The following RGPD2 variants were observed in gnomAD, a reference collection of about 807,000 sequenced individuals.
The protein encoded by RGPD2 is RANBP2-like and GRIP domain-containing protein 2.
A neutral mutation model predicts 36.0 loss-of-function variants in RGPD2; 2 were observed. The observed-to-expected ratio is 0.06, with a 90% CI of 0.02 to 0.17. The LOEUF is 0.17. Among genes scored for constraint, RGPD2 ranks in the 10% least tolerant of loss-of-function variants. RGPD2 has a pLI of 1.00. For missense variants in RGPD2, 40 were observed against 464.3 expected, an observed-to-expected ratio of 0.09 and a Z score of 8.40; for synonymous variants, 19 against 163.8, an observed-to-expected ratio of 0.12 and a Z score of 6.75.
At chr2:87,935,658 TAG>T in the RGPD2 span, among the ~76,000 whole-genome samples, 1 of 151,286 alleles carries the variant, frequency 6.6e-6, no homozygotes, top group African/African-American at 2.4e-5. Flanking sequence ...AAAGAAAAAG[TAG>T]AGAGTGAAGA....
At chr2:87,861,332 A>G in the RGPD2 span, among the ~76,000 whole-genome samples, 3 of 152,014 alleles carry the variant, frequency 2.0e-5, no homozygotes, top group African/African-American at 7.2e-5. Flanking sequence ...ATGGATACAT[A>G]TTTCTTTCTA....
the RGPD2 span, among the ~76,000 whole-genome samples, chr2:87,972,212 G>A: frequency 3.3e-5 from 5 of 150,442 alleles, no homozygotes; most frequent in Non-Finnish European, 3.0e-5. Flanking sequence ...CCAGGAGAAA[G>A]GATATCCTAT....
chr2:87,897,038 G>A, the RGPD2 span, among the ~76,000 whole-genome samples: 5 of 152,286 alleles, frequency 3.3e-5, no homozygotes, highest in East Asian at 1.9e-4. Flanking sequence ...TTAGTCTTCC[G>A]CATGAAAAGC....
the RGPD2 span, among the ~76,000 whole-genome samples, chr2:87,913,342 A>G: frequency 6.6e-6 from 1 of 151,658 alleles, no homozygotes; most frequent in Non-Finnish European, 1.5e-5. Flanking sequence ...GAACTGAACA[A>G]TGAGAACACG....
chr2:87,895,536 A>AT, the RGPD2 span, among the ~76,000 whole-genome samples: 1 of 64,644 alleles, frequency 1.5e-5, no homozygotes, highest in African/African-American at 6.2e-5. Context: ...TTTATATTAG[A>AT]TTTTTTCTTA....
At chr2:87,957,532 C>T in the RGPD2 span, among the ~76,000 whole-genome samples, 14 of 151,860 alleles carry the variant, frequency 9.2e-5, no homozygotes, top group South Asian at 2.1e-4. Flanking sequence ...GCCGTACCTT[C>T]GTATAATGGA....
the RGPD2 span, among the ~76,000 whole-genome samples, chr2:87,944,809 T>C: frequency 3.1e-5 from 4 of 129,022 alleles, 1 homozygote; most frequent in South Asian, 9.5e-4. Flanking sequence ...AACATAAATA[T>C]ATTAACACTT....
the RGPD2 span, among the ~76,000 whole-genome samples, chr2:87,838,185 TGAA>T: frequency 2.4e-5 from 3 of 127,568 alleles, no homozygotes; most frequent in Non-Finnish European, 5.0e-5. Flanking sequence ...TCCAAAAAGT[TGAA>T]GAGGAGGCAC....
chr2:87,988,526 T>TAA, the RGPD2 span, among the ~76,000 whole-genome samples: 2 of 24,474 alleles, frequency 8.2e-5, no homozygotes, highest in Non-Finnish European at 2.6e-4. Context: ...TACATATAAA[T>TAA]ATATATATAT....
At chr2:87,971,399 ATAT>A in the RGPD2 span, among the ~76,000 whole-genome samples, 1 of 126,884 alleles carries the variant, frequency 7.9e-6, no homozygotes, top group African/African-American at 2.9e-5. Context: ...TAAAATGAAT[ATAT>A]TATTATCTTC....
At chr2:87,962,613 C>A in the RGPD2 span, among the ~76,000 whole-genome samples, 2 of 150,338 alleles carry the variant, frequency 1.3e-5, no homozygotes, top group African/African-American at 4.9e-5. Flanking sequence ...TACCATTTAT[C>A]TATCCATGTG....
intron 1 of RGPD2, 73 bp downstream of exon 1, chr2:87,825,569 CGCCCGGCCAGGTCGAG>C (rs1686752748): frequency 2.8e-6 from 3 of 1,082,910 alleles, no homozygotes. Context: ...TCGAGGCCGC[CGCCCGGCCAGGTCGAG>C]GCCGCCGCCC....
chr2:87,857,241 A>G, the RGPD2 span, among the ~76,000 whole-genome samples: 1 of 152,386 alleles, frequency 6.6e-6, no homozygotes, highest in East Asian at 1.9e-4. Context: ...TATAGATTAT[A>G]GACAAATTAA....
the RGPD2 span, among the ~76,000 whole-genome samples, chr2:87,877,833 A>AAAAAAAAAAAAAAAAC: frequency 6.7e-6 from 1 of 149,040 alleles, no homozygotes; most frequent in Non-Finnish European, 1.5e-5. Flanking sequence ...AAAAAAAAAA[A>AAAAAAAAAAAAAAAAC]AAGAATATTG....
At chr2:87,961,191 T>TATTA in the RGPD2 span, among the ~76,000 whole-genome samples, 3 of 152,196 alleles carry the variant, frequency 2.0e-5, no homozygotes, top group Admixed American at 6.5e-5. Context: ...TGCACACAAT[T>TATTA]ATTACTGAGC....
chr2:87,971,435 A>ATATATAATATGAATATTATATATAAG, the RGPD2 span, among the ~76,000 whole-genome samples: 20 of 39,006 alleles, frequency 5.1e-4, no homozygotes, highest in African/African-American at 7.9e-4. Context: ...TTATAGACAT[A>ATATATAATATGAATATTATATATAAG]TATATATAAT....
At chr2:87,985,394 TCTGTGATTTCTTTGTGATCCA>T in the RGPD2 span, among the ~76,000 whole-genome samples, 1 of 148,930 alleles carries the variant, frequency 6.7e-6, no homozygotes, top group Non-Finnish European at 1.5e-5. Context: ...AAATCACAGA[TCTGTGATTTCTTTGTGATCCA>T]GTTTCTTCAT....
At chr2:87,966,669 T>A in the RGPD2 span, among the ~76,000 whole-genome samples, 1 of 152,166 alleles carries the variant, frequency 6.6e-6, no homozygotes, top group Non-Finnish European at 1.5e-5. Flanking sequence ...GGCTCACGCC[T>A]GTAATCGCAG....
chr2:87,870,690 C>T, the RGPD2 span, among the ~76,000 whole-genome samples: 1 of 152,142 alleles, frequency 6.6e-6, no homozygotes, highest in African/African-American at 2.4e-5. Context: ...GACTGTACCA[C>T]ACCACATTTT....
Sources: allele counts gnomAD v4.1 joint callset (sites outside exome capture counted in the v4.1 genomes callset), GRCh38; gene constraint gnomAD v4.1.1; transcripts MANE v1.5; gene names NCBI Gene and HGNC (gene_info 2026-07-23, HGNC 2026-07-21).